The following IRAK2 variants were observed in gnomAD, a reference collection of about 807,000 sequenced individuals.
IRAK2 encodes the protein interleukin-1 receptor-associated kinase-like 2.
IRAK2 carries 57 observed loss-of-function variants against 72.0 expected under a neutral mutation model. The observed-to-expected ratio is 0.79, with a 90% CI of 0.64 to 0.99. The LOEUF is 0.99. IRAK2 is among the 50% of genes least tolerant of loss of function. IRAK2 has a pLI of 0.00. For missense variants in IRAK2, 790 were observed against 794.4 expected (o/e 0.99, Z 0.07); for synonymous variants, 293 against 312.7 (o/e 0.94, Z 0.67).
intron 2 of IRAK2, among the ~76,000 whole-genome samples, chr3:10,184,788 G>C (rs1420961040): frequency 2.1e-5 from 3 of 142,408 alleles, no homozygotes; most frequent in East Asian, 4.4e-4. Flanking sequence ...GGAGTGCAGT[G>C]GCGCGATCTC....
intron 2 of IRAK2, among the ~76,000 whole-genome samples, chr3:10,180,763 C>T (rs954586134): frequency 5.9e-5 from 9 of 152,084 alleles, no homozygotes; most frequent in African/African-American, 2.2e-4. Context: ...TGAGATAAAC[C>T]AGGAGAGCAG....
chr3:10,241,114 A>C (rs545429780), intron 12 of IRAK2, among the ~76,000 whole-genome samples: 1 of 151,794 alleles, frequency 6.6e-6, no homozygotes, highest in Non-Finnish European at 1.5e-5. Flanking sequence ...AGAGGAGATG[A>C]AAATGCTCAT....
At chr3:10,199,388 C>A (rs1396568445) in intron 2 of IRAK2, among the ~76,000 whole-genome samples, 1 of 152,152 alleles carries the variant, frequency 6.6e-6, no homozygotes, top group African/African-American at 2.4e-5. Context: ...CCTGCTCAGG[C>A]CTCAGTTTCC....
At chr3:10,212,800 T>C (rs529303511) in intron 4 of IRAK2, among the ~76,000 whole-genome samples, 35 of 141,790 alleles carry the variant, frequency 2.5e-4, no homozygotes, top group Admixed American at 8.8e-4. Context: ...AGTCTCGCTC[T>C]GTCACCCAGG....
intron 10 of IRAK2, among the ~76,000 whole-genome samples, chr3:10,232,827 G>T (rs935800203): frequency 2.6e-5 from 4 of 152,064 alleles, no homozygotes; most frequent in Admixed American, 6.6e-5. Context: ...ACTTTGAGAT[G>T]CCAAGACAGG....
At chr3:10,182,472 C>T (rs1407052721) in intron 2 of IRAK2, among the ~76,000 whole-genome samples, 1 of 150,894 alleles carries the variant, frequency 6.6e-6, no homozygotes, top group East Asian at 2.0e-4. Context: ...TAGTTAGAGA[C>T]GGGGTTTCAC....
intron 10 of IRAK2, among the ~76,000 whole-genome samples, chr3:10,226,849 G>A (rs755728920): frequency 1.4e-4 from 21 of 151,536 alleles, no homozygotes; most frequent in African/African-American, 4.6e-4. Context: ...GGGAGGCTGA[G>A]GCAGGAGAAT....
In IRAK2 at chr3:10,165,565, G is replaced by T. The variant is rs536650936; in HGVS notation, c.94+517G>T. Among the ~76,000 whole-genome samples, 428 of 151,914 alleles carry T rather than the reference G, an allele frequency of 2.8e-3. 3 individuals carry two copies. The highest frequency in any genetic ancestry group is 4.2e-3 in the South Asian group (20 of 4,812). On this transcript the variant is annotated intron_variant, in intron 1 of 12. Coordinates refer to ENST00000256458, the MANE Select transcript of IRAK2 (RefSeq NM_001570.4). ...GGCTGGAGTGCAATGGCACGGTCTC[G>T]GCTCACTGCAACCTCCACCTCTGGG...
At chr3:10,211,349 C>T (rs535498250) in intron 4 of IRAK2, among the ~76,000 whole-genome samples, 44 of 152,126 alleles carry the variant, frequency 2.9e-4, no homozygotes, top group African/African-American at 1.1e-3. Flanking sequence ...ACCATATTGC[C>T]CAGGCTGGTC....
rs1486419061 is a variant in IRAK2 at position 10,222,760 on chromosome 3, G to A, written c.1138G>A (p.Ala380Thr). The A allele has an allele frequency of 9.3e-6, 15 of 1,614,086 alleles. No individual in the cohort carries two copies. Among genetic ancestry groups the A allele is most frequent in the African/African-American group, 5.3e-5 (4 of 74,926 alleles). Residue 380 changes from alanine to threonine, a missense_variant, in exon 9 of 13, where the codon GCG becomes ACG. Transcript: ENST00000256458. The stretch of plus-strand genomic sequence containing the variant: ...GACTCACCTGCTCCGGACGTCAGCC[G>A]CGTATCTGCCAGAGGATTTCATCCG... Reference protein sequence around the residue: ...MKTHLLRTSAAYLPEDFIRVG... With the variant: ...MKTHLLRTSATYLPEDFIRVG...
At chr3:10,187,450 CATT>C (rs1013364172) in intron 2 of IRAK2, among the ~76,000 whole-genome samples, 2 of 152,174 alleles carry the variant, frequency 1.3e-5, no homozygotes, top group African/African-American at 2.4e-5. Flanking sequence ...AAAGCTGCCT[CATT>C]GTCATGTGGA....
chr3:10,182,322 G>T lies in IRAK2; in HGVS notation c.277+4302G>T, dbSNP rs577472921. Among the ~76,000 whole-genome samples the T allele has an allele frequency of 2.0e-4, 27 of 135,016 alleles. No individual in the cohort carries two copies. The Admixed American group carries it at 2.1e-3, about 11-fold the overall frequency. 88.6% of individuals were successfully genotyped at this position (135,016 alleles called of 152,430 possible). On this transcript the variant is annotated intron_variant, in intron 2 of 12. Coordinates refer to ENST00000256458, the MANE Select transcript of IRAK2 (RefSeq NM_001570.4). ...TTTTGGGACAGAGTCTCACTCTGTC[G>T]CCCAGCCTGGAGTGCGGTGGCACGA...
intron 2 of IRAK2, among the ~76,000 whole-genome samples, chr3:10,180,431 G>A (rs1696943059): frequency 6.6e-6 from 1 of 152,126 alleles, no homozygotes; most frequent in Non-Finnish European, 1.5e-5. Flanking sequence ...GAGCCTCCTA[G>A]GACAGGGGGT....
intron 2 of IRAK2, among the ~76,000 whole-genome samples, chr3:10,198,728 G>C (rs565232670): frequency 1.3e-5 from 2 of 152,168 alleles, no homozygotes; most frequent in East Asian, 3.9e-4. Context: ...GGTAACAATT[G>C]GTTTTGTTTA....
At chr3:10,170,944 C>G (rs1696785584) in intron 1 of IRAK2, among the ~76,000 whole-genome samples, 1 of 152,214 alleles carries the variant, frequency 6.6e-6, no homozygotes, top group South Asian at 2.1e-4. Flanking sequence ...TCCTGTGGGT[C>G]ATTTTAGAAA....
intron 12 of IRAK2, among the ~76,000 whole-genome samples, chr3:10,240,707 G>A (rs945992657): frequency 1.3e-5 from 2 of 150,846 alleles, no homozygotes; most frequent in Non-Finnish European, 3.0e-5. Flanking sequence ...TTACAGGCAT[G>A]TGCCACCATG....
At chr3:10,234,402 G>A (rs1450529546) in intron 10 of IRAK2, 57 bp from the exon 11 acceptor site, 2 of 1,487,450 alleles carry the variant, frequency 1.3e-6, no homozygotes, top group East Asian at 2.3e-5. Context: ...GGGCGCGTGC[G>A]TTGGCTCTCG....
At chr3:10,221,160 A>C (rs1254143421) in intron 8 of IRAK2, among the ~76,000 whole-genome samples, 1 of 151,176 alleles carries the variant, frequency 6.6e-6, no homozygotes, top group African/African-American at 2.4e-5. Context: ...TGGGTGGCCA[A>C]GGCGGGCAGA....
In IRAK2 at chr3:10,180,760, A is replaced by T. The variant is rs181701267; in HGVS notation, c.277+2740A>T. 8.5e-5 allele frequency among the ~76,000 whole-genome samples: 13 copies of T among 152,206 alleles called. 1 individual carries two copies. Among genetic ancestry groups the T allele is most frequent in the Admixed American group, 8.5e-4 (13 of 15,290 alleles). On this transcript the variant is annotated intron_variant, in intron 2 of 12. Transcript: ENST00000256458. ...CTAGAGAGTACCACCCTCTGAGATA[A>T]ACCAGGAGAGCAGGGGATGCTGTGG...
Sources: gnomAD v4.1 joint callset for allele counts (sites outside exome capture counted in the v4.1 genomes callset) on GRCh38, gnomAD v4.1.1 for gene constraint, MANE v1.5 for transcripts, NCBI Gene and HGNC (gene_info 2026-07-23, HGNC 2026-07-21) for gene names.